Variants in MTFMT observed in about 807,000 individuals in gnomAD.
The protein encoded by MTFMT is mitochondrial methionyl-tRNA formyltransferase.
Under a neutral mutation model 51.8 loss-of-function variants are expected in MTFMT, and 47 were observed. That is an observed-to-expected ratio of 0.91 (90% confidence interval 0.72 to 1.16). The LOEUF (loss-of-function observed/expected upper bound fraction) is 1.16. Among genes scored for constraint, MTFMT ranks in the 50% most tolerant of loss-of-function variants. The pLI is 0.00. For missense variants in MTFMT, 512 were observed against 482.3 expected (o/e 1.06, Z -0.58); for synonymous variants, 196 against 176.7 (o/e 1.11, Z -0.87).
At chr15:65,028,394 G>A (rs1288577703) in intron 1 of MTFMT, among the ~76,000 whole-genome samples, 1 of 152,188 alleles carries the variant, frequency 6.6e-6, no homozygotes. Flanking sequence ...CAGCCTGGGG[G>A]ACAGCGCGAG....
At chr15:65,017,943 G>A (rs759279656) in intron 5 of MTFMT, among the ~76,000 whole-genome samples, 3 of 152,098 alleles carry the variant, frequency 2.0e-5, no homozygotes, top group African/African-American at 4.8e-5. Context: ...CACTATGTAG[G>A]TGTTTGCTTA....
intron 5 of MTFMT, among the ~76,000 whole-genome samples, chr15:65,018,160 C>A: frequency 6.6e-6 from 1 of 150,634 alleles, no homozygotes; most frequent in Non-Finnish European, 1.5e-5. Context: ...AAAGCAATCC[C>A]TAAAATAAAA....
intron 7 of MTFMT, 83 bp downstream of exon 7, chr15:65,006,030 T>C (rs2086217032): frequency 2.2e-6 from 2 of 907,244 alleles, no homozygotes; most frequent in East Asian, 5.0e-5. Context: ...TTTTTAGTAA[T>C]TGTGACATAT....
intron 5 of MTFMT, among the ~76,000 whole-genome samples, chr15:65,018,492 ATATTTTT>A (rs2086342871): frequency 6.6e-6 from 1 of 152,230 alleles, no homozygotes; most frequent in South Asian, 2.1e-4. Context: ...ATGAGCTTGA[ATATTTTT>A]TAAAAATATA....
chr15:65,014,216 A>C (rs1348871605), intron 6 of MTFMT, among the ~76,000 whole-genome samples: 4 of 152,092 alleles, frequency 2.6e-5, no homozygotes, highest in African/African-American at 9.7e-5. Flanking sequence ...ATTTCAGCTT[A>C]AGTGTCAGAA....
rs967516859 is a variant in MTFMT, at chr15:65,029,602, C to G, written c.12G>C (p.Leu4Phe). MRV[L>F]VRRCWGPPLA... ...GCGGAGGACCCCAACAGCGCCGCAC[C>G]AACACCCTCATCGCCTCGGCCGCCG... Residue 4 changes from leucine (L) to phenylalanine (F), a missense_variant, in exon 1 of 9, where the codon TTG becomes TTC. Physicochemically the swap from Leu to Phe is conservative, Grantham distance 22. Coordinates refer to ENST00000220058, the MANE Select transcript of MTFMT (RefSeq NM_139242.4). 1.4e-6 allele frequency: 2 copies of G among 1,426,614 alleles called. No homozygotes were observed. The highest frequency in any genetic ancestry group is 1.8e-6 in the Non-Finnish European group (2 of 1,085,852). 88.4% of individuals were successfully genotyped at this position (1,426,614 alleles called of 1,614,324 possible).
Position 65,021,539 on chromosome 15 carries a change from A to C in MTFMT, c.620T>G (p.Val207Gly). The C allele has an allele frequency of 6.2e-7, 1 of 1,610,590 alleles. No individual in the cohort carries two copies. Among genetic ancestry groups the C allele is most frequent in the Non-Finnish European group, 8.5e-7 (1 of 1,177,214 alleles). ...PKSTAKELEA[V>G]LSRLGANMLI... ...CATGTTGGCACCCAGTCTTGACAAC[A>C]CTGCTTCCAATTCCTTTGCAGTGCT... Residue 207 changes from valine (V) to glycine (G), a missense_variant, in exon 4 of 9, where the codon GTG (valine) becomes GGG (glycine). Transcript: ENST00000220058.
chr15:65,028,054 T>A (rs1223169238), intron 1 of MTFMT, among the ~76,000 whole-genome samples: 2 of 152,170 alleles, frequency 1.3e-5, no homozygotes, highest in African/African-American at 4.8e-5. Context: ...TGAGGAGTTA[T>A]GAGGAGTATG....
At chr15:65,012,129 C>CAAAA (rs58093427) in intron 6 of MTFMT, among the ~76,000 whole-genome samples, 1 of 58,678 alleles carries the variant, frequency 1.7e-5, no homozygotes, top group African/African-American at 7.1e-5. Context: ...GCACTCTTGT[C>CAAAA]AAAAAAAAAA....
intron 4 of MTFMT, among the ~76,000 whole-genome samples, chr15:65,020,586 T>C (rs2086366192): frequency 6.6e-6 from 1 of 152,122 alleles, no homozygotes; most frequent in Non-Finnish European, 1.5e-5. Flanking sequence ...TGTGGAAGCT[T>C]TGGCATCAGG....
intron 4 of MTFMT, among the ~76,000 whole-genome samples, chr15:65,021,176 T>C (rs975141248): frequency 1.3e-5 from 2 of 152,074 alleles, no homozygotes; most frequent in African/African-American, 4.8e-5. Context: ...GCTTAGAAAA[T>C]TGCTGTTAGT....
rs541318983 is a variant in MTFMT, at chr15:65,022,234, G to A, written c.543-618C>T. ...TCACAGCACTTTGGGAGGCCAAGGT[G>A]GGTGGATCACGAGGTCAAGAGATCC... On this transcript the variant is annotated intron_variant, in intron 3 of 8. Coordinates refer to ENST00000220058, the MANE Select transcript of MTFMT (RefSeq NM_139242.4). Among the ~76,000 whole-genome samples the A allele has an allele frequency of 1.1e-3, 172 of 152,216 alleles. 2 individuals carry two copies. Among genetic ancestry groups the A allele is most frequent in the Non-Finnish European group, 1.3e-3 (90 of 67,998 alleles).
intron 6 of MTFMT, among the ~76,000 whole-genome samples, chr15:65,007,629 T>A (rs1326271130): frequency 1.3e-5 from 2 of 152,354 alleles, no homozygotes; most frequent in East Asian, 3.9e-4. Context: ...AACATTTTAT[T>A]GCTAAACTGC....
At position 65,020,232 on chromosome 15, in the gene MTFMT, T is replaced by C. The variant is rs746998016; in HGVS notation, c.686A>G (p.Asn229Ser). The C allele has an allele frequency of 2.5e-6, 4 of 1,612,538 alleles. No individual in the cohort carries two copies. The highest frequency in any genetic ancestry group is 3.4e-6 in the Non-Finnish European group (4 of 1,179,658). ...VLKNLPESLS[N>S]GRQQPMEGAT... ...CCCCTCCATTGGCTGCTGCCTTCCA[T>C]TGCTCAGACTTTCAGGCAAATTTTT... The change falls in exon 5 of 9, where the codon AAT becomes AGT. Residue 229 changes from asparagine (N) to serine (S), a missense_variant. Coordinates refer to ENST00000220058, the MANE Select transcript of MTFMT (RefSeq NM_139242.4).
intron 3 of MTFMT, among the ~76,000 whole-genome samples, chr15:65,023,225 T>C (rs887654118): frequency 2.0e-5 from 3 of 152,206 alleles, no homozygotes; most frequent in Non-Finnish European, 4.4e-5. Context: ...TTCTAAACTA[T>C]AGGTATGACA....
chr15:65,029,594 C>G lies in MTFMT; in HGVS notation c.20G>C (p.Arg7Pro). Residue 7 changes from arginine (R) to proline (P), a missense_variant, in exon 1 of 9, where the codon CGC becomes CCC. Coordinates refer to ENST00000220058, the MANE Select transcript of MTFMT (RefSeq NM_139242.4). ...ATGAGCCAGCGGAGGACCCCAACAG[C>G]GCCGCACCAACACCCTCATCGCCTC... MRVLVRRCWGPPLAHGA... is the reference protein window; with the variant it reads MRVLVRPCWGPPLAHGA... The G allele has an allele frequency of 6.8e-7, 1 of 1,461,784 alleles. No homozygotes were observed. Among genetic ancestry groups the G allele is most frequent in the Non-Finnish European group, 9.1e-7 (1 of 1,104,134 alleles). 90.6% of individuals were successfully genotyped at this position (1,461,784 alleles called of 1,614,324 possible).
At chr15:65,029,290 C>A (rs1269900703) in intron 1 of MTFMT, 115 bp downstream of exon 1, 5 of 1,323,982 alleles carry the variant, frequency 3.8e-6, no homozygotes, top group South Asian at 2.0e-5. Flanking sequence ...TGGGCCCACA[C>A]CGCTCTGCCG....
intron 2 of MTFMT, among the ~76,000 whole-genome samples, chr15:65,024,220 G>GA (rs1487705698): frequency 1.3e-5 from 2 of 152,178 alleles, no homozygotes; most frequent in Non-Finnish European, 2.9e-5. Context: ...CAGCTACTCG[G>GA]AAGGCTGAGA....
chr15:65,011,485 C>CTTTTTTTTTT (rs536213292), intron 6 of MTFMT, among the ~76,000 whole-genome samples: 6 of 74,104 alleles, frequency 8.1e-5, no homozygotes, highest in African/African-American at 2.6e-4. Context: ...TGTAAGCTGT[C>CTTTTTTTTTT]TTTTTTTTTT....
Sources: allele counts gnomAD v4.1 joint callset (sites outside exome capture counted in the v4.1 genomes callset), GRCh38; gene constraint gnomAD v4.1.1; transcripts MANE v1.5; gene names NCBI Gene and HGNC (gene_info 2026-07-23, HGNC 2026-07-21).